The following COL24A1 variants were observed in gnomAD, a reference collection of about 807,000 sequenced individuals.
The protein encoded by COL24A1 is collagen type XXIV alpha 1 chain, also known as collagen alpha-1(XXIV) chain.
Under a neutral mutation model 253.9 loss-of-function variants are expected in COL24A1, and 224 were observed. That is an observed-to-expected ratio of 0.88 (90% confidence interval 0.79 to 0.99). The LOEUF (loss-of-function observed/expected upper bound fraction) is 0.99, where lower values mean the gene tolerates loss of function less well. Among genes scored for constraint, COL24A1 ranks in the 50% least tolerant of loss-of-function variants. The probability of loss-of-function intolerance (pLI) is 0.00; values close to 1 mark genes in which losing one functional copy is unlikely to be tolerated. For synonymous variants in COL24A1, 685 were observed against 673.7 expected, an observed-to-expected ratio of 1.02 and a Z score of -0.26; for missense variants, 2,131 against 2,068.5, an observed-to-expected ratio of 1.03 and a Z score of -0.59.
At chr1:86,073,570 C>T (rs181410247) in intron 7 of COL24A1, among the ~76,000 whole-genome samples, 1 of 152,246 alleles carries the variant, frequency 6.6e-6, no homozygotes, top group East Asian at 1.9e-4. Context: ...TGCAGAACTT[C>T]CCCAACCTAG....
intron 37 of COL24A1, among the ~76,000 whole-genome samples, chr1:85,861,364 T>C (rs1231665100): frequency 2.0e-5 from 3 of 152,234 alleles, no homozygotes; most frequent in Admixed American, 2.0e-4. Context: ...ACGAGTCCCT[T>C]ATCATATATG....
At chr1:86,071,518 A>C (rs999639546) in intron 7 of COL24A1, among the ~76,000 whole-genome samples, 1 of 152,174 alleles carries the variant, frequency 6.6e-6, no homozygotes, top group Non-Finnish European at 1.5e-5. Flanking sequence ...CACTTCACCT[A>C]TATACACATA....
At chr1:85,858,798 T>C (rs1306824415) in intron 37 of COL24A1, among the ~76,000 whole-genome samples, 3 of 151,802 alleles carry the variant, frequency 2.0e-5, no homozygotes, top group Non-Finnish European at 2.9e-5. Context: ...TGGAGTGCAG[T>C]GGCATGATCA....
At chr1:85,778,551 T>C (rs1360489267) in intron 52 of COL24A1, among the ~76,000 whole-genome samples, 1 of 152,146 alleles carries the variant, frequency 6.6e-6, no homozygotes, top group Non-Finnish European at 1.5e-5. Flanking sequence ...TTCTGTTCTT[T>C]TACAGGTCTC....
chr1:85,790,308 C>T (rs1055666191), intron 47 of COL24A1, among the ~76,000 whole-genome samples: 1 of 152,072 alleles, frequency 6.6e-6, no homozygotes, highest in Non-Finnish European at 1.5e-5. Flanking sequence ...TGAATGTATC[C>T]ATTTCTTCTT....
intron 20 of COL24A1, among the ~76,000 whole-genome samples, chr1:85,974,794 T>C (rs1372206791): frequency 1.3e-5 from 2 of 152,150 alleles, no homozygotes; most frequent in Non-Finnish European, 2.9e-5. Context: ...GGAAGTAGAG[T>C]GCAGATTTGA....
At chr1:85,814,730 T>C (rs977113088) in intron 47 of COL24A1, among the ~76,000 whole-genome samples, 3 of 152,230 alleles carry the variant, frequency 2.0e-5, no homozygotes, top group Non-Finnish European at 4.4e-5. Flanking sequence ...GTATTACATA[T>C]TGCTAGAAAG....
chr1:85,987,122 G>A lies in COL24A1; in HGVS notation c.2364+479C>T, dbSNP rs1001257126. Among the ~76,000 whole-genome samples the A allele has an allele frequency of 4.0e-5, 6 of 151,792 alleles. No homozygotes were observed. In the South Asian group the frequency reaches 6.2e-4, roughly 16 times the overall value. On this transcript the variant is annotated intron_variant, in intron 20 of 59. Transcript: ENST00000370571. The stretch of plus-strand genomic sequence containing the variant: ...ATTAGTATGTGAGTCATCATGATGA[G>A]TTTCAATAACGGTAATAAGCTAATA...
intron 43 of COL24A1, among the ~76,000 whole-genome samples, chr1:85,833,071 G>T (rs1386357398): frequency 3.3e-5 from 5 of 152,058 alleles, no homozygotes; most frequent in Admixed American, 1.3e-4. Context: ...GTTTGTCATA[G>T]ATAGCTCTTA....
chr1:85,822,973 C>T (rs1318969568), intron 45 of COL24A1, among the ~76,000 whole-genome samples: 1 of 152,056 alleles, frequency 6.6e-6, no homozygotes, highest in Non-Finnish European at 1.5e-5. Context: ...AGTAATTTTC[C>T]ATTCACTCAT....
At chr1:85,858,931 G>T (rs928252905) in intron 37 of COL24A1, among the ~76,000 whole-genome samples, 15 of 151,934 alleles carry the variant, frequency 9.9e-5, no homozygotes, top group Admixed American at 3.9e-4. Context: ...AGCGATGGGG[G>T]TTCTTTATGT....
intron 13 of COL24A1, 97 bp from the exon 14 acceptor site, chr1:86,032,019 A>C (rs949940732): frequency 1.1e-6 from 1 of 913,014 alleles, no homozygotes. Context: ...CTAAGAATAC[A>C]TCAAAATGTA....
At chr1:86,006,992 G>A (rs1338652744) in intron 19 of COL24A1, among the ~76,000 whole-genome samples, 1 of 152,036 alleles carries the variant, frequency 6.6e-6, no homozygotes, top group Non-Finnish European at 1.5e-5. Flanking sequence ...TGTGATGATT[G>A]CTTCAGCCCA....
chr1:86,058,240 A>G (rs2101739609), intron 9 of COL24A1, among the ~76,000 whole-genome samples: 1 of 152,022 alleles, frequency 6.6e-6, no homozygotes, highest in South Asian at 2.1e-4. Flanking sequence ...AATTTTTTTC[A>G]TTACATTATT....
intron 7 of COL24A1, among the ~76,000 whole-genome samples, chr1:86,085,843 T>C (rs1045324034): frequency 6.6e-6 from 1 of 152,044 alleles, no homozygotes; most frequent in Admixed American, 6.5e-5. Flanking sequence ...AATACTGGTT[T>C]CAAAAAATGG....
intron 24 of COL24A1, among the ~76,000 whole-genome samples, chr1:85,924,867 A>C (rs1310147823): frequency 6.6e-6 from 1 of 152,204 alleles, no homozygotes; most frequent in Admixed American, 6.5e-5. Context: ...AATTAGGAAA[A>C]GAGGAAGTGA....
chr1:85,784,504 T>C, intron 48 of COL24A1, 138 bp from the exon 49 acceptor site: 1 of 599,550 alleles, frequency 1.7e-6, no homozygotes. Flanking sequence ...ATTTTGCATG[T>C]TCATCTTGTT....
intron 51 of COL24A1, among the ~76,000 whole-genome samples, chr1:85,782,842 T>TC (rs1669279878): frequency 6.6e-6 from 1 of 152,212 alleles, no homozygotes. Flanking sequence ...CAGCTTTTTT[T>TC]CAGTTTTATA....
intron 2 of COL24A1, among the ~76,000 whole-genome samples, chr1:86,132,213 T>C (rs1649351793): frequency 6.6e-6 from 1 of 152,142 alleles, no homozygotes; most frequent in Admixed American, 6.5e-5. Context: ...GATGGGGTTG[T>C]TTGTTTTTTT....
Sources: allele counts gnomAD v4.1 joint callset (sites outside exome capture counted in the v4.1 genomes callset), GRCh38; gene constraint gnomAD v4.1.1; transcripts MANE v1.5; gene names NCBI Gene and HGNC (gene_info 2026-07-23, HGNC 2026-07-21).